The following CCP110 variants were observed in gnomAD, a reference collection of about 807,000 sequenced individuals.
The protein encoded by CCP110 is centriolar coiled-coil protein of 110 kDa.
Under a neutral mutation model 105.5 loss-of-function variants are expected in CCP110, and 43 were observed. That is an observed-to-expected ratio of 0.41 (90% CI 0.32 to 0.53). The LOEUF (loss-of-function observed/expected upper bound fraction) is 0.53, where lower values mean the gene tolerates loss of function less well. Among genes scored for constraint, CCP110 ranks in the 20% least tolerant of loss-of-function variants. CCP110 has a pLI of 0.32. For missense variants in CCP110, 1,016 were observed against 1,189.1 expected, an observed-to-expected ratio of 0.85 and a Z score of 2.14; for synonymous variants, 353 against 392.1, an observed-to-expected ratio of 0.90 and a Z score of 1.18.
At chr16:19,545,868 C>G (rs1275740399) in exon 11 of CCP110, 2 of 1,604,704 alleles carry the variant, frequency 1.2e-6, no homozygotes, top group African/African-American at 2.7e-5. Context: ...ACAGAAGTCT[C>G]TTGATAGGAA....
At chr16:19,536,042 A>G in exon 4 of CCP110, 1 of 1,613,892 alleles carries the variant, frequency 6.2e-7, no homozygotes, top group South Asian at 1.1e-5. Context: ...TACATTTCCA[A>G]ATAGCTTTCC....
At chr16:19,531,082 T>G (rs1969851090) in intron 2 of CCP110, among the ~76,000 whole-genome samples, 1 of 152,242 alleles carries the variant, frequency 6.6e-6, no homozygotes, top group Non-Finnish European at 1.5e-5. Context: ...AGTACACATT[T>G]TCTCCTTTTG....
chr16:19,546,316 AATG>A (rs1474269525), intron 11 of CCP110, 93 bp from the exon 12 acceptor site: 3 of 722,688 alleles, frequency 4.2e-6, no homozygotes, highest in African/African-American at 3.6e-5. Context: ...CCAGCTTCTA[AATG>A]ATGATTTGTT....
chr16:19,542,022 T>C (rs1267008556), exon 6 of CCP110: 7 of 1,603,906 alleles, frequency 4.4e-6, no homozygotes, highest in Non-Finnish European at 5.9e-6. Flanking sequence ...AACAATGCTG[T>C]CTCAAGCGGA....
At chr16:19,529,037 T>C (rs1406379807) in intron 2 of CCP110, among the ~76,000 whole-genome samples, 2 of 152,188 alleles carry the variant, frequency 1.3e-5, no homozygotes, top group African/African-American at 4.8e-5. Context: ...TGTGGTCCAT[T>C]TTCTTATTTG....
At chr16:19,537,152 A>C in exon 4 of CCP110, 5 of 1,614,204 alleles carry the variant, frequency 3.1e-6, no homozygotes, top group Non-Finnish European at 4.2e-6. Flanking sequence ...ACACATAATG[A>C]ACAGTACCTG....
chr16:19,545,774 A>G (rs745708106), intron 10 of CCP110, 43 bp from the exon 11 acceptor site: 6 of 980,826 alleles, frequency 6.1e-6, no homozygotes, highest in Admixed American at 3.5e-5. Flanking sequence ...TAGTGGTATT[A>G]ATTGGTTCCA....
intron 5 of CCP110, 26 bp downstream of exon 5, chr16:19,540,813 C>G (rs756316820): frequency 1.2e-6 from 2 of 1,600,534 alleles, no homozygotes; most frequent in Admixed American, 3.5e-5. Flanking sequence ...GGAGATACAA[C>G]TGGTAAGTGA....
exon 12 of CCP110, chr16:19,546,436 T>G: frequency 6.3e-7 from 1 of 1,587,680 alleles, no homozygotes; most frequent in Non-Finnish European, 8.6e-7. Context: ...GAATGCCAAA[T>G]AAGAAATTTC....
intron 1 of CCP110, 169 bp from the exon 2 acceptor site, chr16:19,527,698 G>A (rs1183902608): frequency 2.4e-6 from 1 of 419,146 alleles, no homozygotes; most frequent in African/African-American, 2.0e-5. Context: ...AGGTTCTTGA[G>A]GTGAATTACC....
chr16:19,539,358 T>A (rs1329952620), intron 4 of CCP110, among the ~76,000 whole-genome samples: 1 of 135,648 alleles, frequency 7.4e-6, no homozygotes, highest in African/African-American at 3.1e-5. Flanking sequence ...TGTGCAACTT[T>A]TTTTTTTTTT....
chr16:19,531,895 G>A (rs956791651), intron 2 of CCP110, among the ~76,000 whole-genome samples: 2 of 151,934 alleles, frequency 1.3e-5, no homozygotes, highest in Non-Finnish European at 2.9e-5. Flanking sequence ...GAACCCAGGA[G>A]GCGGAGGTTG....
At chr16:19,546,736 A>T in intron 12 of CCP110, 1 of 238,116 alleles carries the variant, frequency 4.2e-6, no homozygotes, top group African/African-American at 2.3e-5. Flanking sequence ...AATCGCTTGA[A>T]CCCGGGAGGC....
chr16:19,541,831 C>A, intron 5 of CCP110, 56 bp from the exon 6 acceptor site: 3 of 1,000,436 alleles, frequency 3.0e-6, no homozygotes, highest in Non-Finnish European at 2.8e-6. Flanking sequence ...AAAATGATAT[C>A]ATTTTGGGAC....
chr16:19,542,973 G>A, exon 8 of CCP110: 1 of 1,592,104 alleles, frequency 6.3e-7, no homozygotes, highest in East Asian at 2.2e-5. Flanking sequence ...ATAAGCTGAA[G>A]CAACTTCGAC....
intron 2 of CCP110, among the ~76,000 whole-genome samples, chr16:19,529,494 C>G (rs1969788537): frequency 6.6e-6 from 1 of 152,114 alleles, no homozygotes; most frequent in Admixed American, 6.6e-5. Context: ...ATAGATTTAC[C>G]ATTAGATTAA....
At chr16:19,533,993 A>G (rs2151467162) in intron 3 of CCP110, among the ~76,000 whole-genome samples, 1 of 152,356 alleles carries the variant, frequency 6.6e-6, no homozygotes, top group East Asian at 1.9e-4. Context: ...AAAGGAATAT[A>G]TAGAAAGAGA....
exon 4 of CCP110, chr16:19,537,312 A>G: frequency 4.3e-6 from 7 of 1,614,242 alleles, no homozygotes; most frequent in Non-Finnish European, 5.9e-6. Context: ...TATGATGTAA[A>G]AAACCCTTCT....
At chr16:19,540,635 GA>G in intron 4 of CCP110, 21 bp from the exon 5 acceptor site, 1 of 1,599,024 alleles carries the variant, frequency 6.3e-7, no homozygotes, top group East Asian at 2.2e-5. Context: ...TTTCTAAATT[GA>G]GGAAACATGT....
Sources: allele counts gnomAD v4.1 joint callset (sites outside exome capture counted in the v4.1 genomes callset), GRCh38; gene constraint gnomAD v4.1.1; transcripts MANE v1.5; gene names NCBI Gene and HGNC (gene_info 2026-07-23, HGNC 2026-07-21).